Variants in ZBTB40 observed in about 807,000 individuals in gnomAD.
The protein encoded by ZBTB40 is zinc finger and BTB domain containing 40.
In ZBTB40, 60 loss-of-function variants were observed where a neutral mutation model predicts 117.5. That is an observed-to-expected ratio of 0.51 (90% CI 0.41 to 0.63). ZBTB40 has a LOEUF of 0.63. ZBTB40 is among the 30% of genes least tolerant of loss of function. The pLI is 0.00. For synonymous variants in ZBTB40, 525 were observed against 577.1 expected, an observed-to-expected ratio of 0.91 and a Z score of 1.29; for missense variants, 1,287 against 1,498.5, an observed-to-expected ratio of 0.86 and a Z score of 2.33.
At position 22,508,751 on chromosome 1, in the gene ZBTB40, G is replaced by T. The variant is rs776695324; in HGVS notation, c.1699+20G>T. ...GGGCAGGTAAGTTACCTGCCCTCTG[G>T]GGGGGTTTTGCCCCCACTAGAGATG... On this transcript the variant is annotated intron_variant, in intron 8 of 17. Transcript: ENST00000375647. 6.2e-6 allele frequency: 10 copies of T among 1,611,352 alleles called. No homozygotes were observed. The East Asian group carries it at 1.1e-4, about 18-fold the overall frequency.
At chr1:22,455,097 G>T (rs1414938743) in intron 1 of ZBTB40, among the ~76,000 whole-genome samples, 1 of 152,192 alleles carries the variant, frequency 6.6e-6, no homozygotes, top group Non-Finnish European at 1.5e-5. Flanking sequence ...TTGTACAGCT[G>T]TCTATGCAGA....
intron 5 of ZBTB40, 103 bp downstream of exon 5, chr1:22,502,544 A>G: frequency 4.8e-6 from 7 of 1,463,576 alleles, no homozygotes; most frequent in Admixed American, 1.7e-5. Context: ...ATTTTAATAC[A>G]TACTGCATAG....
chr1:22,525,421 C>T (rs1007705065), intron 17 of ZBTB40, among the ~76,000 whole-genome samples: 2 of 152,214 alleles, frequency 1.3e-5, no homozygotes, highest in Admixed American at 1.3e-4. Context: ...GCTCTCTGCT[C>T]TTCACTGATT....
Position 22,431,408 on chromosome 1 carries a change from ATG to A in ZBTB40, c.-70+2396_-70+2397del, listed in dbSNP as rs1553128040. ...TGTATATATATATATATATATATAT[ATG>A]TATATATAGTAATTGTTATACGTCC... On this transcript the variant is annotated intron_variant, in intron 1 of 8. Transcript: ENST00000650433. Among the ~76,000 whole-genome samples the A allele has an allele frequency of 1.1e-4, 15 of 131,888 alleles. No individual in the cohort carries two copies. The East Asian group carries it at 1.3e-3, about 11-fold the overall frequency. 86.5% of individuals were successfully genotyped at this position (131,888 alleles called of 152,430 possible). A position where few individuals can be genotyped will look rare whatever the true frequency, so the allele number is the denominator to read the frequency against.
At chr1:22,507,261 T>G (rs572088833) in intron 6 of ZBTB40, among the ~76,000 whole-genome samples, 7 of 152,286 alleles carry the variant, frequency 4.6e-5, no homozygotes, top group South Asian at 2.1e-4. Flanking sequence ...TCACATTCGT[T>G]TTTGTGTGGC....
intron 4 of ZBTB40, 78 bp from the exon 5 acceptor site, chr1:22,502,221 C>G: frequency 2.0e-6 from 3 of 1,522,782 alleles, no homozygotes; most frequent in South Asian, 1.2e-5. Flanking sequence ...TCTGTTAGAT[C>G]TCTCTTGACA....
intron 12 of ZBTB40, among the ~76,000 whole-genome samples, chr1:22,515,607 C>T (rs1557520887): frequency 6.6e-6 from 1 of 152,174 alleles, no homozygotes; most frequent in South Asian, 2.1e-4. Flanking sequence ...CATCACCATA[C>T]CTCCTTTTCT....
intron 1 of ZBTB40, among the ~76,000 whole-genome samples, chr1:22,462,801 G>A (rs752359142): frequency 1.3e-5 from 2 of 152,162 alleles, no homozygotes; most frequent in Non-Finnish European, 2.9e-5. Flanking sequence ...TCCTGGCTTA[G>A]TCTCATTCCA....
upstream of ZBTB40, among the ~76,000 whole-genome samples, chr1:22,448,244 C>T (rs185037131): frequency 2.8e-4 from 43 of 152,282 alleles, no homozygotes; most frequent in African/African-American, 9.6e-4. Context: ...CGATCTATCT[C>T]TCTTGGAATA....
At position 22,522,398 on chromosome 1, in the gene ZBTB40, A is replaced by G. The variant is rs1439479650; in HGVS notation, c.3233A>G (p.Asp1078Gly). 1.9e-6 allele frequency: 3 copies of G among 1,614,136 alleles called. No homozygotes were observed. The highest frequency in any genetic ancestry group is 2.5e-6 in the Non-Finnish European group (3 of 1,180,034). ...EHADMKFHEC[D>G]QCKELFPTPA... ...ACAGATATGAAGTTCCATGAATGTG[A>G]CCAGTGTAAGGAGCTCTTCCCCACG... The change falls in exon 16 of 18, where the codon GAC (aspartate) becomes GGC (glycine). Residue 1078 changes from aspartate to glycine, a missense_variant. Asp to Gly is a moderately conservative substitution (Grantham distance 94). Around this residue, in one of 2 missense-constraint regions of ZBTB40, gnomAD observed 417 missense variants for 564.1 expected, o/e 0.74. Coordinates refer to ENST00000375647, the MANE Select transcript of ZBTB40 (RefSeq NM_014870.4).
rs952121683 is a variant in ZBTB40, at chr1:22,529,243, G to A, written c.*2847G>A. 1 of 152,382 alleles carries A rather than the reference G, an allele frequency of 6.6e-6. No individual in the cohort carries two copies. Among genetic ancestry groups the A allele is most frequent in the Non-Finnish European group, 1.5e-5 (1 of 68,112 alleles). 9.4% of individuals were successfully genotyped at this position (152,382 alleles called of 1,614,324 possible). A position where few individuals can be genotyped will look rare whatever the true frequency, so the allele number is the denominator to read the frequency against. On this transcript the variant is annotated 3_prime_UTR_variant, in exon 18 of 18. Transcript: ENST00000375647. The stretch of plus-strand genomic sequence containing the variant: ...AGTCCACATCGCTCGCTTCCATGGG[G>A]TCCCGGTGTTGTTTTTGCCTCGTTC...
chr1:22,509,449 C>G (rs546605627), intron 9 of ZBTB40, among the ~76,000 whole-genome samples: 1 of 152,266 alleles, frequency 6.6e-6, no homozygotes, highest in East Asian at 1.9e-4. Flanking sequence ...CGGGTTCAAG[C>G]GATTCTCCTG....
intron 1 of ZBTB40, among the ~76,000 whole-genome samples, chr1:22,433,772 G>T (rs1640634042): frequency 2.0e-5 from 3 of 151,424 alleles, no homozygotes; most frequent in Non-Finnish European, 2.9e-5. Context: ...TACAGCCTGG[G>T]TGACAGAGTG....
intron 1 of ZBTB40, among the ~76,000 whole-genome samples, chr1:22,466,350 G>A (rs932115034): frequency 6.6e-6 from 1 of 152,178 alleles, no homozygotes; most frequent in Admixed American, 6.5e-5. Context: ...GAACATTAAT[G>A]TACAGGTTTT....
intron 1 of ZBTB40, among the ~76,000 whole-genome samples, chr1:22,468,101 AAAG>A (rs1418537134): frequency 1.3e-5 from 2 of 151,920 alleles, no homozygotes; most frequent in African/African-American, 4.8e-5. Context: ...AAAAAAAAAA[AAAG>A]AAAAGAAGCT....
chr1:22,488,100 G>T (rs1331766440), intron 1 of ZBTB40, among the ~76,000 whole-genome samples: 2 of 152,090 alleles, frequency 1.3e-5, no homozygotes, highest in Non-Finnish European at 2.9e-5. Context: ...TTCCCTCAAA[G>T]CTTTACTCTA....
At position 22,509,136 on chromosome 1, in the gene ZBTB40, T is replaced by C; in HGVS notation, c.1736T>C (p.Leu579Pro). 1.2e-6 allele frequency: 2 copies of C among 1,614,148 alleles called. No individual in the cohort carries two copies. The highest frequency in any genetic ancestry group is 2.2e-5 in the South Asian group (2 of 91,074). The change falls in exon 9 of 18, where the codon CTG becomes CCG. Residue 579 changes from leucine to proline, a missense_variant. Physicochemically the swap from Leu to Pro is moderately conservative, Grantham distance 98. Coordinates refer to ENST00000375647, the MANE Select transcript of ZBTB40 (RefSeq NM_014870.4). The part of the protein sequence containing the change: ...TPEHATLETI[L>P]RHNQLILEAI... Reference sequence around the variant, plus strand: ...GAACATGCCACTTTAGAAACAATCCTGAGGCATAACCAGTTGATCTTGGAG... The same window carrying C: ...GAACATGCCACTTTAGAAACAATCCCGAGGCATAACCAGTTGATCTTGGAG...
At chr1:22,510,811 C>T (rs1259561392) in intron 9 of ZBTB40, among the ~76,000 whole-genome samples, 1 of 152,200 alleles carries the variant, frequency 6.6e-6, no homozygotes, top group African/African-American at 2.4e-5. Flanking sequence ...TCAAGACAGA[C>T]ACACCGACGA....
intron 14 of ZBTB40, 93 bp downstream of exon 14, chr1:22,520,368 C>T: frequency 1.0e-6 from 1 of 987,746 alleles, no homozygotes; most frequent in Non-Finnish European, 1.6e-6. Flanking sequence ...GCTTGCAGAT[C>T]ATATCTTGTA....
Sources: allele counts gnomAD v4.1 joint callset (sites outside exome capture counted in the v4.1 genomes callset), GRCh38; gene constraint gnomAD v4.1.1; regional missense constraint gnomAD v4.1.1; transcripts MANE v1.5; gene names NCBI Gene and HGNC (gene_info 2026-07-23, HGNC 2026-07-21).